HPS1: variants seen among roughly 807,000 people sequenced by gnomAD.
HPS1 encodes HPS1 biogenesis of lysosomal organelles complex 3 subunit 1.
A neutral mutation model predicts 90.6 loss-of-function variants in HPS1; 59 were observed. The ratio of observed to expected loss-of-function variants is 0.65; its 90% CI spans 0.53 to 0.81. The LOEUF (loss-of-function observed/expected upper bound fraction) is 0.81, where lower values mean the gene tolerates loss of function less well. Among genes scored for constraint, HPS1 ranks in the 30% least tolerant of loss-of-function variants. The pLI, the probability that HPS1 is intolerant of heterozygous loss-of-function variation, is 0.00. For synonymous variants in HPS1, 388 were observed against 384.4 expected (o/e 1.01, Z -0.11); for missense variants, 849 against 896.7 (o/e 0.95, Z 0.68).
chr10:98,414,044 A>G (rs1161247635), downstream of HPS1: 1 of 151,942 alleles, frequency 6.6e-6, no homozygotes, highest in Non-Finnish European at 1.5e-5. Context: ...GTGTATATAT[A>G]TGTACGTAAC....
At position 98,428,751 on chromosome 10, in the gene HPS1, CAT is replaced by C. The variant is rs1490215992; in HGVS notation, c.937+820_937+821del. Among the ~76,000 whole-genome samples the C allele has an allele frequency of 2.3e-5, 3 of 129,168 alleles. No individual in the cohort carries two copies. The East Asian group carries it at 7.5e-4, about 32-fold the overall frequency. 84.7% of individuals were successfully genotyped at this position (129,168 alleles called of 152,430 possible). A position where few individuals can be genotyped will look rare whatever the true frequency, so the allele number is the denominator to read the frequency against. On this transcript the variant is annotated intron_variant, in intron 10 of 19. Transcript: ENST00000361490. ...TTCAGAAATAAATGTAATGTTTATTCATAGTGACCACAACAGTCTGGATTTTG... is the reference window on the plus strand; with the variant it reads ...TTCAGAAATAAATGTAATGTTTATTCAGTGACCACAACAGTCTGGATTTTG...
chr10:98,418,042 G>A (rs1185394254), intron 19 of HPS1, 133 bp downstream of exon 19: 2 of 697,980 alleles, frequency 2.9e-6, no homozygotes, highest in Non-Finnish European at 5.1e-6. Flanking sequence ...GGGCCAGCCG[G>A]GAAGGTGTTC....
At chr10:98,422,166 A>G (rs144150982) in intron 17 of HPS1, among the ~76,000 whole-genome samples, 1,553 of 152,354 alleles carry the variant, frequency 0.01, 14 homozygotes, top group Middle Eastern at 0.024. Context: ...CTGATGCCCA[A>G]CTGATGGACC....
chr10:98,442,870 T>C, intron 3 of HPS1: 1 of 512,634 alleles, frequency 2.0e-6, no homozygotes, highest in Admixed American at 3.2e-5. Context: ...GTGATAAAAT[T>C]CGACTTCTTC....
intron 10 of HPS1, among the ~76,000 whole-genome samples, chr10:98,428,359 A>C (rs1411106722): frequency 6.6e-6 from 1 of 152,248 alleles, no homozygotes; most frequent in Non-Finnish European, 1.5e-5. Flanking sequence ...GTACAGGCTC[A>C]GCTTCAATAA....
At chr10:98,426,853 T>A (rs1256667997) in intron 11 of HPS1, among the ~76,000 whole-genome samples, 1 of 151,630 alleles carries the variant, frequency 6.6e-6, no homozygotes, top group African/African-American at 2.4e-5. Flanking sequence ...GGATTAAGAG[T>A]AATTTTTATT....
chr10:98,425,384 A>G (rs1845462167), intron 13 of HPS1, among the ~76,000 whole-genome samples, 157 bp downstream of exon 13: 1 of 152,248 alleles, frequency 6.6e-6, no homozygotes, highest in Non-Finnish European at 1.5e-5. Flanking sequence ...TTTCAATATC[A>G]TTTCATAATA....
chr10:98,425,459 C>T, intron 13 of HPS1, 82 bp downstream of exon 13: 2 of 1,409,606 alleles, frequency 1.4e-6, no homozygotes, highest in Non-Finnish European at 2.0e-6. Flanking sequence ...CCCATTGGCC[C>T]CTCAGCTGCT....
rs867124199 is a variant in HPS1, at chr10:98,429,822, G to C, written c.836C>G (p.Thr279Arg). The change falls in exon 9 of 20, where the codon ACG becomes AGG. Residue 279 changes from threonine (T) to arginine (R), a missense_variant. Physicochemically the swap from Thr to Arg is moderately conservative, Grantham distance 71. Coordinates refer to ENST00000361490, the MANE Select transcript of HPS1 (RefSeq NM_000195.5). ...PVQQAWSPHS[T>R]GPTGGSSAET... is the part of the protein sequence containing the mutation. Reference sequence around the variant, plus strand: ...TGCAGAGCTCCCCCCAGTTGGGCCCGTGGAGTGAGGGCTCCAGGCCTGCTG... The same window carrying C: ...TGCAGAGCTCCCCCCAGTTGGGCCCCTGGAGTGAGGGCTCCAGGCCTGCTG... 1.2e-6 allele frequency: 2 copies of C among 1,613,578 alleles called. No individual in the cohort carries two copies. The highest frequency in any genetic ancestry group is 1.1e-5 in the South Asian group (1 of 91,094).
chr10:98,417,813 A>G lies in HPS1; in HGVS notation c.1941-87T>C. On this transcript the variant is annotated intron_variant, in intron 19 of 19. Transcript: ENST00000361490. The surrounding 1 kb of genome is among the most constrained non-coding windows in gnomAD (Gnocchi z 4.2). Reference sequence around the variant, plus strand: ...GGCCTCTCTGGGCCCTCGCAAGCAAATGCCCATGCCCTCGGTCATCTCACT... The same window carrying G: ...GGCCTCTCTGGGCCCTCGCAAGCAAGTGCCCATGCCCTCGGTCATCTCACT... 1 of 1,273,722 alleles carries G rather than the reference A, an allele frequency of 7.9e-7. No individual in the cohort carries two copies. The highest frequency in any genetic ancestry group is 1.1e-6 in the Non-Finnish European group (1 of 880,746). The allele number at this position is 1,273,722 out of a possible 1,614,324, so 78.9% of individuals were successfully genotyped here.
chr10:98,427,389 AG>A (rs1845757606), intron 10 of HPS1, 125 bp from the exon 11 acceptor site: 2 of 767,974 alleles, frequency 2.6e-6, no homozygotes, highest in Non-Finnish European at 4.4e-6. Context: ...AGCTCCACGC[AG>A]GGGTGCTAAT....
downstream of HPS1, among the ~76,000 whole-genome samples, chr10:98,415,416 C>G (rs1293195483): frequency 6.6e-6 from 1 of 152,234 alleles, no homozygotes; most frequent in African/African-American, 2.4e-5. Flanking sequence ...CTATGTCAGG[C>G]TGGCATTGTG....
intron 16 of HPS1, 26 bp downstream of exon 16, chr10:98,423,577 T>G (rs777597304): frequency 6.2e-7 from 1 of 1,612,726 alleles, no homozygotes; most frequent in South Asian, 1.1e-5. Flanking sequence ...CTTGTTGGGC[T>G]GGCTGGGGCC....
At position 98,435,304 on chromosome 10, in the gene HPS1, C is replaced by T. The variant is rs147269809; in HGVS notation, c.366G>A (p.Leu122=). Residue 122 remains leucine (L), a synonymous_variant, in exon 5 of 20, where the codon CTG becomes CTA. Coordinates refer to ENST00000361490, the MANE Select transcript of HPS1 (RefSeq NM_000195.5). This position sits in a 1 kb window ranked among gnomAD's most constrained non-coding sequence, Gnocchi z 4.3. ...LKYLFEVHFG[L]VTVDGHLIRK... is the part of the protein sequence containing the mutation. ...GGATAAGATGACCGTCCACAGTCAC[C>T]AGCCCAAAGTGCACTTCAAACAGGT... 42 of 1,613,952 alleles carry T rather than the reference C, an allele frequency of 2.6e-5. No individual in the cohort carries two copies. In the African/African-American group the frequency reaches 4.9e-4, roughly 19 times the overall value.
chr10:98,422,563 G>GCCTCTGTCCTGGGCTT (rs766261754), intron 16 of HPS1, 50 bp from the exon 17 acceptor site: 1 of 1,592,484 alleles, frequency 6.3e-7, no homozygotes, highest in South Asian at 1.1e-5. Flanking sequence ...GGGACGGCCT[G>GCCTCTGTCCTGGGCTT]CCTCTGTCCT....
At chr10:98,446,507 A>G (rs1257929226) in intron 1 of HPS1, among the ~76,000 whole-genome samples, 1 of 152,178 alleles carries the variant, frequency 6.6e-6, no homozygotes, top group Non-Finnish European at 1.5e-5. Flanking sequence ...CTGGGGTCCC[A>G]CACCTTCGGA....
At position 98,445,099 on chromosome 10, in the gene HPS1, G is replaced by C. The variant is rs1325069241; in HGVS notation, c.-1+201C>G. Among the ~76,000 whole-genome samples, 1 of 152,170 alleles carries C rather than the reference G, an allele frequency of 6.6e-6. No homozygotes were observed. The highest frequency in any genetic ancestry group is 1.5e-5 in the Non-Finnish European group (1 of 68,024). ...AAGATGCAGCAGGCTGTGATGACCT[G>C]CCTGGATTCGAGGGGTGAAGGAGAG... On this transcript the variant is annotated intron_variant, in intron 2 of 19. Coordinates refer to ENST00000361490, the MANE Select transcript of HPS1 (RefSeq NM_000195.5). This position sits in a 1 kb window ranked among gnomAD's most constrained non-coding sequence, Gnocchi z 4.5.
chr10:98,425,433 C>T (rs898953093), intron 13 of HPS1, 108 bp downstream of exon 13: 42 of 1,105,706 alleles, frequency 3.8e-5, no homozygotes, highest in South Asian at 2.5e-4. Context: ...AGGTGGAGCC[C>T]GGACAGGAAC....
chr10:98,434,545 C>T (rs1418395194), intron 5 of HPS1, among the ~76,000 whole-genome samples: 1 of 151,374 alleles, frequency 6.6e-6, no homozygotes, highest in Non-Finnish European at 1.5e-5. Context: ...ACACCATGAC[C>T]TATCTGGGCT....
Sources: gnomAD v4.1 joint callset for allele counts (sites outside exome capture counted in the v4.1 genomes callset) on GRCh38, gnomAD v4.1.1 for gene constraint, Gnocchi (gnomAD v3.1) non-coding constraint, MANE v1.5 for transcripts, NCBI Gene and HGNC (gene_info 2026-07-23, HGNC 2026-07-21) for gene names.